MORF4L1: variants seen among roughly 807,000 people sequenced by gnomAD.
MORF4L1 encodes the protein mortality factor 4 like 1.
A neutral mutation model predicts 52.9 loss-of-function variants in MORF4L1; 4 were observed. The observed-to-expected ratio is 0.08, with a 90% confidence interval of 0.04 to 0.17. The LOEUF (loss-of-function observed/expected upper bound fraction) is 0.17, where lower values mean the gene tolerates loss of function less well. Among genes scored for constraint, MORF4L1 ranks in the 10% least tolerant of loss-of-function variants. The pLI is 1.00. For synonymous variants in MORF4L1, 123 were observed against 134.8 expected, an observed-to-expected ratio of 0.91 and a Z score of 0.61; for missense variants, 214 against 390.4, an observed-to-expected ratio of 0.55 and a Z score of 3.81.
chr15:78,876,558 C>T (rs1231362027), intron 1 of MORF4L1: 2 of 455,650 alleles, frequency 4.4e-6, no homozygotes, highest in African/African-American at 2.0e-5. Flanking sequence ...CTTTTTTTTC[C>T]GGCAGTAGCA....
chr15:78,891,377 C>T (rs952490937), intron 6 of MORF4L1, 107 bp from the exon 7 acceptor site: 1 of 830,360 alleles, frequency 1.2e-6, no homozygotes, highest in Non-Finnish European at 2.0e-6. Context: ...GAGGTAACAG[C>T]TGTGTAATGG....
chr15:78,876,929 A>C (rs1453437011), intron 1 of MORF4L1, among the ~76,000 whole-genome samples: 1 of 151,952 alleles, frequency 6.6e-6, no homozygotes, highest in Non-Finnish European at 1.5e-5. Context: ...AGTTTTAAAA[A>C]ATATTTTAAA....
chr15:78,886,248 G>A, intron 4 of MORF4L1, 21 bp downstream of exon 4: 1 of 1,574,028 alleles, frequency 6.4e-7, no homozygotes, highest in East Asian at 2.2e-5. Flanking sequence ...TTTGTGAACT[G>A]AATATTAAGG....
chr15:78,878,312 G>C (rs1596239868), intron 2 of MORF4L1, 53 bp downstream of exon 2: 1 of 1,538,704 alleles, frequency 6.5e-7, no homozygotes, highest in East Asian at 2.3e-5. Context: ...GGTTAGATCT[G>C]GCCATTTAAT....
At position 78,873,100 on chromosome 15, in the gene MORF4L1, A is replaced by C. The variant is rs961929682; in HGVS notation, c.40+43A>C. 7 of 1,548,134 alleles carry C rather than the reference A, an allele frequency of 4.5e-6. No homozygotes were observed. In the African/African-American group the frequency reaches 8.3e-5, roughly 18 times the overall value. ...GGAAAAAGGCACCTAACGGCGCAGG[A>C]GATAGAGGCGGGCTCGAGGTGATTG... On this transcript the variant is annotated intron_variant, in intron 1 of 11. Transcript: ENST00000426013.
intron 3 of MORF4L1, among the ~76,000 whole-genome samples, chr15:78,882,977 G>A (rs1422873407): frequency 1.3e-5 from 2 of 152,132 alleles, no homozygotes; most frequent in Non-Finnish European, 2.9e-5. Flanking sequence ...CACTTTGGGA[G>A]GCCAAAACGG....
In MORF4L1 at chr15:78,891,593, T is replaced by A. The variant is rs779727901; in HGVS notation, c.438+21T>A. ...AAAATGTGAGTTTTTCTTGTGTTTATGAATAGCATGTTAGGATTTTTAGTC... is the reference window on the plus strand; with the variant it reads ...AAAATGTGAGTTTTTCTTGTGTTTAAGAATAGCATGTTAGGATTTTTAGTC... On this transcript the variant is annotated intron_variant, in intron 7 of 11. Coordinates refer to ENST00000426013, the MANE Select transcript of MORF4L1 (RefSeq NM_006791.4). 1.5e-5 allele frequency: 24 copies of A among 1,563,548 alleles called. No homozygotes were observed. The East Asian group carries it at 1.8e-4, about 12-fold the overall frequency.
At position 78,880,492 on chromosome 15, in the gene MORF4L1, A is replaced by AT. The variant is rs751037936; in HGVS notation, c.88-10dup. The AT allele has an allele frequency of 2.3e-3, 3,153 of 1,387,148 alleles. 1 individual carries two copies. The highest frequency in any genetic ancestry group is 4.3e-3 in the Middle Eastern group (19 of 4,422). 85.9% of individuals were successfully genotyped at this position (1,387,148 alleles called of 1,614,324 possible). A position where few individuals can be genotyped will look rare whatever the true frequency, so the allele number is the denominator to read the frequency against. On this transcript the variant is annotated intron_variant, in intron 2 of 11. Transcript: ENST00000426013. ...TTAAAAAATTTCTAAGTGAATTATT[A>AT]TTTTTTTTTTGAATTTCAGTGTGTA...
intron 1 of MORF4L1, 107 bp from the exon 2 acceptor site, chr15:78,878,106 C>G (rs554508163): frequency 1.7e-6 from 2 of 1,144,772 alleles, no homozygotes; most frequent in East Asian, 2.5e-5. Context: ...CTCATTTTTC[C>G]TAATTTGGCT....
chr15:78,876,661 G>T, intron 1 of MORF4L1: 1 of 446,984 alleles, frequency 2.2e-6, no homozygotes, highest in Admixed American at 2.4e-5. Context: ...ATCTGATCTT[G>T]TTCGCTGTTT....
intron 7 of MORF4L1, 90 bp downstream of exon 7, chr15:78,891,662 AT>A: frequency 1.9e-6 from 2 of 1,035,902 alleles, no homozygotes; most frequent in Non-Finnish European, 2.9e-6. Flanking sequence ...TATCTACAAG[AT>A]TTGCTTACAT....
At chr15:78,873,323 T>C in intron 1 of MORF4L1, 1 of 1,124,596 alleles carries the variant, frequency 8.9e-7, no homozygotes, top group South Asian at 1.8e-5. Flanking sequence ...AAGTGTTTGT[T>C]ATTGTTCTGA....
intron 1 of MORF4L1, 98 bp from the exon 2 acceptor site, chr15:78,878,115 C>G: frequency 7.9e-7 from 1 of 1,265,862 alleles, no homozygotes; most frequent in Non-Finnish European, 1.1e-6. Flanking sequence ...CCTAATTTGG[C>G]TAGGAATACC....
intron 2 of MORF4L1, 35 bp from the exon 3 acceptor site, chr15:78,880,477 T>G (rs1567303047): frequency 6.6e-7 from 1 of 1,511,254 alleles, no homozygotes; most frequent in Admixed American, 1.8e-5. Context: ...TTAAAAAATT[T>G]CTAAGTGAAT....
Position 78,878,262 on chromosome 15 carries a change from A to T in MORF4L1, c.87+3A>T. ...GGCCTCTTCTTTATGAAGCAAAGGT[A>T]TGAAACTTGTTTTCTTTTGAGAAGT... On this transcript the variant is annotated splice_donor_region_variant and intron_variant, in intron 2 of 11. Transcript: ENST00000426013. The T allele has an allele frequency of 6.2e-7, 1 of 1,610,942 alleles. No homozygotes were observed. Among genetic ancestry groups the T allele is most frequent in the Non-Finnish European group, 8.5e-7 (1 of 1,179,286 alleles).
Position 78,873,056 on chromosome 15 carries a change from G to A in MORF4L1, c.39G>A (p.Glu13=), listed in dbSNP as rs1429200923. 4 of 1,551,882 alleles carry A rather than the reference G, an allele frequency of 2.6e-6. No homozygotes were observed. Among genetic ancestry groups the A allele is most frequent in the Admixed American group, 2.0e-5 (1 of 50,888 alleles). The change falls in exon 1 of 12, where the codon GAG becomes GAA. Residue 13 remains glutamate (E), a splice_region_variant and synonymous_variant. Coordinates refer to ENST00000426013, the MANE Select transcript of MORF4L1 (RefSeq NM_006791.4). ...AGGACCCGAAGCCTAAATTCCAGGA[G>A]GGTGAGTGTGCGCCTTTGGGAAAAA... is the stretch of plus-strand genomic sequence containing the variant. ...PKQDPKPKFQ[E]GERVLCFHGP...
intron 11 of MORF4L1, among the ~76,000 whole-genome samples, chr15:78,896,060 C>T (rs555906826): frequency 6.6e-6 from 1 of 152,206 alleles, no homozygotes; most frequent in South Asian, 2.1e-4. Flanking sequence ...CTCACTACAA[C>T]CTCCGCCTCT....
chr15:78,873,053 G>A lies in MORF4L1; in HGVS notation c.36G>A (p.Gln12=). The change falls in exon 1 of 12, where the codon CAG becomes CAA. Residue 12 remains glutamine, a synonymous_variant. Transcript: ENST00000426013. ...APKQDPKPKF[Q]EGERVLCFHG... ...AGCAGGACCCGAAGCCTAAATTCCAGGAGGGTGAGTGTGCGCCTTTGGGAA... is the reference window on the plus strand; with the variant it reads ...AGCAGGACCCGAAGCCTAAATTCCAAGAGGGTGAGTGTGCGCCTTTGGGAA... The A allele has an allele frequency of 1.9e-6, 3 of 1,552,200 alleles. No individual in the cohort carries two copies. The highest frequency in any genetic ancestry group is 2.6e-6 in the Non-Finnish European group (3 of 1,147,074).
At chr15:78,890,366 A>G (rs922681268) in intron 5 of MORF4L1, among the ~76,000 whole-genome samples, 1 of 152,168 alleles carries the variant, frequency 6.6e-6, no homozygotes, top group African/African-American at 2.4e-5. Flanking sequence ...TTGGAAAAAA[A>G]TTTTAACCTT....
Sources: gnomAD v4.1 joint callset for allele counts (sites outside exome capture counted in the v4.1 genomes callset) on GRCh38, gnomAD v4.1.1 for gene constraint, MANE v1.5 for transcripts, NCBI Gene and HGNC (gene_info 2026-07-23, HGNC 2026-07-21) for gene names.